The following DHRS9 variants were observed in gnomAD, a reference collection of about 807,000 sequenced individuals.
The protein encoded by DHRS9 is dehydrogenase/reductase SDR family member 9.
A neutral mutation model predicts 26.6 loss-of-function variants in DHRS9; 18 were observed. The ratio of observed to expected loss-of-function variants is 0.68; its 90% confidence interval spans 0.47 to 1.00. The LOEUF is 1.00. DHRS9 is among the 50% of genes least tolerant of loss of function. DHRS9 has a pLI of 0.00. For synonymous variants in DHRS9, 134 were observed against 141.1 expected (o/e 0.95, Z 0.36); for missense variants, 425 against 378.7 (o/e 1.12, Z -1.01).
At position 169,095,860 on chromosome 2, in the gene DHRS9, C is replaced by A. The variant is rs1574041853; in HGVS notation, c.*93C>A. 2 of 1,144,414 alleles carry A rather than the reference C, an allele frequency of 1.7e-6. No homozygotes were observed. The allele number at this position is 1,144,414 out of a possible 1,614,324, so 70.9% of individuals were successfully genotyped here. A position where few individuals can be genotyped will look rare whatever the true frequency, so the allele number is the denominator to read the frequency against. ...CAACCCCATTCCTTATCTGCTCCAA[C>A]CTGGACTCATTTAGATCGTGCTTAT... On this transcript the variant is annotated 3_prime_UTR_variant, in exon 5 of 5. Transcript: ENST00000674881.
At chr2:169,091,157 C>G (rs920828033) in intron 3 of DHRS9, among the ~76,000 whole-genome samples, 1 of 151,756 alleles carries the variant, frequency 6.6e-6, no homozygotes, top group Non-Finnish European at 1.5e-5. Context: ...GAAAGGGGCA[C>G]CATGATTCCT....
intron 1 of DHRS9, among the ~76,000 whole-genome samples, chr2:169,073,501 T>C (rs2105279745): frequency 6.6e-6 from 1 of 152,260 alleles, no homozygotes; most frequent in South Asian, 2.1e-4. Flanking sequence ...AGGAGGATAT[T>C]TTGAATTCTG....
upstream of DHRS9, chr2:169,067,342 G>C: frequency 6.6e-7 from 1 of 1,509,824 alleles, no homozygotes; most frequent in Non-Finnish European, 8.8e-7. Flanking sequence ...TGGTGTAGTT[G>C]CAGGAAGCCT....
chr2:169,073,428 T>C (rs372809811), intron 1 of DHRS9, among the ~76,000 whole-genome samples: 2 of 152,228 alleles, frequency 1.3e-5, no homozygotes, highest in Non-Finnish European at 2.9e-5. Flanking sequence ...CAATGAACCA[T>C]AGCAGTTATT....
At chr2:169,074,388 A>G in intron 1 of DHRS9, 1 of 985,400 alleles carries the variant, frequency 1.0e-6, no homozygotes, top group Non-Finnish European at 1.2e-6. Flanking sequence ...TCGAGCCAAG[A>G]GATTTACGCC....
chr2:169,091,089 CA>C (rs1489623109), intron 3 of DHRS9, among the ~76,000 whole-genome samples: 5 of 152,068 alleles, frequency 3.3e-5, no homozygotes, highest in Admixed American at 6.6e-5. Flanking sequence ...TTTCAACTTA[CA>C]ATGAGTTTAT....
chr2:169,074,466 G>A (rs1243244708), intron 1 of DHRS9: 2 of 985,264 alleles, frequency 2.0e-6, no homozygotes, highest in Non-Finnish European at 2.4e-6. Context: ...CAAGCAACCA[G>A]GTCAGTTCCT....
intron 1 of DHRS9, among the ~76,000 whole-genome samples, chr2:169,072,964 G>A (rs1041225666): frequency 6.6e-6 from 1 of 152,136 alleles, no homozygotes; most frequent in Non-Finnish European, 1.5e-5. Flanking sequence ...CCAAAACTTT[G>A]TAATGTTATC....
intron 3 of DHRS9, among the ~76,000 whole-genome samples, chr2:169,086,438 CTCTG>C (rs1380753014): frequency 6.6e-6 from 1 of 151,640 alleles, no homozygotes; most frequent in Non-Finnish European, 1.5e-5. Context: ...ATTTTGAATT[CTCTG>C]TCTGAAAGGT....
intron 3 of DHRS9, among the ~76,000 whole-genome samples, chr2:169,083,810 C>T (rs930689033): frequency 1.3e-5 from 2 of 152,184 alleles, no homozygotes; most frequent in East Asian, 3.9e-4. Context: ...TATCCATCAC[C>T]TCAAGCATTT....
Position 169,081,811 on chromosome 2 carries a change from T to A in DHRS9, c.230T>A (p.Leu77His), listed in dbSNP as rs771042484. ...TALKAETSER[L>H]RTVLLDVTDP... The stretch of plus-strand genomic sequence containing the variant: ...TTAAAGGCAGAAACCTCAGAGAGAC[T>A]TCGTACTGTGCTTCTGGATGTGACC... The change falls in exon 2 of 5, where the codon CTT becomes CAT. Residue 77 changes from leucine to histidine, a missense_variant. Physicochemically the swap from Leu to His is moderately conservative, Grantham distance 99 (BLOSUM62 -3). Coordinates refer to ENST00000674881, the MANE Select transcript of DHRS9 (RefSeq NM_001376924.1). The A allele has an allele frequency of 6.2e-7, 1 of 1,614,110 alleles. No individual in the cohort carries two copies. Among genetic ancestry groups the A allele is most frequent in the South Asian group, 1.1e-5 (1 of 91,082 alleles).
intron 3 of DHRS9, among the ~76,000 whole-genome samples, chr2:169,084,815 T>C (rs1684301084): frequency 6.6e-6 from 1 of 152,168 alleles, no homozygotes; most frequent in Non-Finnish European, 1.5e-5. Flanking sequence ...TCCTTTGCTG[T>C]GCAGAAGCTT....
intron 4 of DHRS9, among the ~76,000 whole-genome samples, chr2:169,093,001 T>C (rs1476102031): frequency 6.6e-6 from 1 of 152,172 alleles, no homozygotes; most frequent in East Asian, 1.9e-4. Context: ...GCCATGGCAC[T>C]ATAATGTGAA....
chr2:169,067,081 C>T, upstream of DHRS9: 1 of 1,519,940 alleles, frequency 6.6e-7, no homozygotes, highest in Non-Finnish European at 8.8e-7. Context: ...GTCTTCATAG[C>T]AGCTTATAGT....
In DHRS9 at chr2:169,081,622, T is replaced by C. The variant is rs1255619098; in HGVS notation, c.41T>C (p.Phe14Ser). The C allele has an allele frequency of 1.2e-6, 2 of 1,614,174 alleles. No homozygotes were observed. The highest frequency in any genetic ancestry group is 1.7e-6 in the Non-Finnish European group (2 of 1,180,024). ...CTAGGCCTCCTAATCCTCTGTGGTT[T>C]TCTGTGGACTCGTAAAGGAAAACTA... ...WVLGLLILCG[F>S]LWTRKGKLKI... is the part of the protein sequence containing the mutation. The change falls in exon 2 of 5, where the codon TTT becomes TCT. Residue 14 changes from phenylalanine (F) to serine (S), a missense_variant. By Grantham distance (155) the Phe-to-Ser change is radical. Coordinates refer to ENST00000674881, the MANE Select transcript of DHRS9 (RefSeq NM_001376924.1).
At position 169,069,684 on chromosome 2, in the gene DHRS9, AAC is replaced by A. The variant is rs1574016217; in HGVS notation, c.-91_-90del. On this transcript the variant is annotated 5_prime_UTR_variant, in exon 1 of 5. Coordinates refer to ENST00000674881, the MANE Select transcript of DHRS9 (RefSeq NM_001376924.1). The stretch of plus-strand genomic sequence containing the variant: ...CTGCCATCAGCTGAGCAAGTCCACC[AAC>A]AGTTTCTGTGTCCCACTTCATCTTT... 7.1e-6 allele frequency: 7 copies of A among 985,474 alleles called. No individual in the cohort carries two copies. Among genetic ancestry groups the A allele is most frequent in the Non-Finnish European group, 8.4e-6 (7 of 829,932 alleles). The allele number at this position is 985,474 out of a possible 1,614,324, so 61.0% of individuals were successfully genotyped here. A position where few individuals can be genotyped will look rare whatever the true frequency, so the allele number is the denominator to read the frequency against.
chr2:169,084,466 G>A lies in DHRS9; in HGVS notation c.572+879G>A, dbSNP rs547500264. ...ATTTACATTCCCACCAATAGTGTAC[G>A]AGGATTCCCTTTTCTCACATCATCA... is the stretch of plus-strand genomic sequence containing the variant. On this transcript the variant is annotated intron_variant, in intron 3 of 4. Transcript: ENST00000674881. Among the ~76,000 whole-genome samples, 8 of 152,174 alleles carry A rather than the reference G, an allele frequency of 5.3e-5. No homozygotes were observed. In the East Asian group the frequency reaches 9.6e-4, roughly 18 times the overall value.
chr2:169,077,756 T>C (rs891028927), intron 1 of DHRS9, among the ~76,000 whole-genome samples: 2 of 152,154 alleles, frequency 1.3e-5, no homozygotes, highest in African/African-American at 2.4e-5. Context: ...TTCAATCCCT[T>C]AGGGGCTGGT....
At chr2:169,080,444 C>T (rs1345941469) in intron 1 of DHRS9, among the ~76,000 whole-genome samples, 4 of 152,236 alleles carry the variant, frequency 2.6e-5, no homozygotes, top group Non-Finnish European at 4.4e-5. Context: ...GCCCATGGTA[C>T]TCAGACCTGA....
Sources: gnomAD v4.1 joint callset for allele counts (sites outside exome capture counted in the v4.1 genomes callset) on GRCh38, gnomAD v4.1.1 for gene constraint, MANE v1.5 for transcripts, NCBI Gene and HGNC (gene_info 2026-07-23, HGNC 2026-07-21) for gene names.